Variants in FNDC3B observed in about 807,000 individuals in gnomAD.
FNDC3B encodes the protein fibronectin type III domain-containing protein 3B.
A neutral mutation model predicts 151.5 loss-of-function variants in FNDC3B; 12 were observed. The observed-to-expected ratio is 0.08, with a 90% confidence interval of 0.05 to 0.13. FNDC3B has a LOEUF of 0.13. Among genes scored for constraint, FNDC3B ranks in the 10% least tolerant of loss-of-function variants. The pLI, the probability that FNDC3B is intolerant of heterozygous loss-of-function variation, is 1.00. For missense variants in FNDC3B, 1,214 were observed against 1,505.3 expected (o/e 0.81, Z 3.20); for synonymous variants, 528 against 549.0 (o/e 0.96, Z 0.54).
chr3:172,173,611 A>G (rs1040914296), intron 3 of FNDC3B, among the ~76,000 whole-genome samples: 21 of 150,838 alleles, frequency 1.4e-4, no homozygotes, highest in African/African-American at 5.1e-4. Flanking sequence ...CCTGGGCAAC[A>G]TAATGAGACT....
chr3:172,282,381 C>T (rs1395063448), intron 6 of FNDC3B, among the ~76,000 whole-genome samples: 1 of 152,088 alleles, frequency 6.6e-6, no homozygotes, highest in Non-Finnish European at 1.5e-5. Flanking sequence ...TTCCATCTGG[C>T]CTTGGTACCA....
intron 8 of FNDC3B, 118 bp downstream of exon 8, chr3:172,295,632 T>A: frequency 2.4e-6 from 2 of 818,538 alleles, no homozygotes; most frequent in Non-Finnish European, 3.8e-6. Context: ...TAGTTTATTT[T>A]AAGATTTAGT....
At chr3:172,185,077 T>A (rs1724100552) in intron 3 of FNDC3B, among the ~76,000 whole-genome samples, 1 of 152,212 alleles carries the variant, frequency 6.6e-6, no homozygotes, top group African/African-American at 2.4e-5. Context: ...CCATTGCTAT[T>A]TGCCATTTAG....
intron 4 of FNDC3B, among the ~76,000 whole-genome samples, chr3:172,245,172 T>A (rs921571451): frequency 1.1e-4 from 16 of 152,184 alleles, no homozygotes; most frequent in Admixed American, 4.6e-4. Context: ...AATTTTTTTT[T>A]AAAACCACTT....
At chr3:172,192,076 A>G (rs1475362761) in intron 3 of FNDC3B, among the ~76,000 whole-genome samples, 1 of 152,080 alleles carries the variant, frequency 6.6e-6, no homozygotes, top group African/African-American at 2.4e-5. Context: ...TTTTAAGTTT[A>G]CCTGGGAAGG....
At chr3:172,234,497 G>A (rs1727037997) in intron 4 of FNDC3B, among the ~76,000 whole-genome samples, 1 of 152,202 alleles carries the variant, frequency 6.6e-6, no homozygotes, top group Admixed American at 6.5e-5. Flanking sequence ...TCTAAAATTA[G>A]ATTATTCTCC....
chr3:172,339,525 T>C (rs1405977045), intron 16 of FNDC3B, among the ~76,000 whole-genome samples: 1 of 152,064 alleles, frequency 6.6e-6, no homozygotes, highest in Non-Finnish European at 1.5e-5. Flanking sequence ...ATCGCACCAC[T>C]GCACTTAAGC....
At chr3:172,297,718 C>T (rs1195977051) in intron 8 of FNDC3B, among the ~76,000 whole-genome samples, 1 of 152,040 alleles carries the variant, frequency 6.6e-6, no homozygotes, top group Non-Finnish European at 1.5e-5. Context: ...TCGTGATCCG[C>T]CCTCCTTGGC....
intron 6 of FNDC3B, among the ~76,000 whole-genome samples, chr3:172,279,146 G>A (rs1729575757): frequency 6.8e-6 from 1 of 147,938 alleles, no homozygotes; most frequent in Admixed American, 6.9e-5. Context: ...TTGCCTGAAG[G>A]AGGCCATTTG....
rs9857258 is a variant in FNDC3B at position 172,276,740 on chromosome 3, A to G, written c.791-9186A>G. ...TTCTTCCCCAAAATTCTTAGCCTGTATCTAATTACGAGGAAATAGCATCAC... is the reference window on the plus strand; with the variant it reads ...TTCTTCCCCAAAATTCTTAGCCTGTGTCTAATTACGAGGAAATAGCATCAC... On this transcript the variant is annotated intron_variant, in intron 6 of 25. Coordinates refer to ENST00000415807, the MANE Select transcript of FNDC3B (RefSeq NM_022763.4). Among the ~76,000 whole-genome samples the G allele has an allele frequency of 9.2e-3, 1,407 of 152,302 alleles. 26 individuals are homozygous for G. The highest frequency in any genetic ancestry group is 0.032 in the African/African-American group (1,344 of 41,558).
chr3:172,103,422 T>G (rs1296798015), intron 1 of FNDC3B, among the ~76,000 whole-genome samples: 1 of 152,196 alleles, frequency 6.6e-6, no homozygotes, highest in Admixed American at 6.5e-5. Context: ...CTTATATATA[T>G]GGATTTTTCT....
chr3:172,203,700 C>T (rs954437857), intron 3 of FNDC3B, among the ~76,000 whole-genome samples: 21 of 152,176 alleles, frequency 1.4e-4, no homozygotes, highest in African/African-American at 5.1e-4. Context: ...AGGGGAGAGA[C>T]ATCCCATGAG....
chr3:172,311,766 T>G (rs946233725), intron 11 of FNDC3B, among the ~76,000 whole-genome samples: 1 of 149,354 alleles, frequency 6.7e-6, no homozygotes, highest in African/African-American at 2.5e-5. Flanking sequence ...TAGTCCCAGC[T>G]ACTCGGGAGG....
intron 6 of FNDC3B, among the ~76,000 whole-genome samples, chr3:172,279,652 G>A (rs756556069): frequency 1.3e-5 from 2 of 152,138 alleles, no homozygotes; most frequent in Non-Finnish European, 2.9e-5. Context: ...GTTGTTTTTG[G>A]AGATTAACTG....
chr3:172,290,409 C>T (rs75580036), intron 7 of FNDC3B, among the ~76,000 whole-genome samples: 2,355 of 152,268 alleles, frequency 0.015, 32 homozygotes, highest in African/African-American at 0.033. Flanking sequence ...CTGGTATAGC[C>T]TCCACCATGA....
intron 1 of FNDC3B, among the ~76,000 whole-genome samples, chr3:172,085,989 TA>T (rs945040984): frequency 2.0e-5 from 3 of 152,180 alleles, no homozygotes; most frequent in Admixed American, 2.0e-4. Flanking sequence ...GCAAAAGATT[TA>T]AAAAATATTA....
chr3:172,300,460 AT>A (rs1344585601), intron 9 of FNDC3B, among the ~76,000 whole-genome samples: 1 of 107,624 alleles, frequency 9.3e-6, no homozygotes, highest in African/African-American at 4.7e-5. Flanking sequence ...CTGTTGTTCC[AT>A]TTATTTTTTT....
chr3:172,210,676 TTTTG>T (rs1307502861), intron 3 of FNDC3B, among the ~76,000 whole-genome samples: 4 of 152,182 alleles, frequency 2.6e-5, no homozygotes, highest in African/African-American at 9.7e-5. Context: ...TTTTGTAGTA[TTTTG>T]TTTTAGTTAA....
At chr3:172,075,866 C>A (rs1176718891) in intron 1 of FNDC3B, among the ~76,000 whole-genome samples, 1 of 151,910 alleles carries the variant, frequency 6.6e-6, no homozygotes, top group East Asian at 1.9e-4. Flanking sequence ...TAAAAGAATG[C>A]CAGTCAGTGA....
Sources: allele counts gnomAD v4.1 joint callset (sites outside exome capture counted in the v4.1 genomes callset), GRCh38; gene constraint gnomAD v4.1.1; transcripts MANE v1.5; gene names NCBI Gene and HGNC (gene_info 2026-07-23, HGNC 2026-07-21).